Variants in STK11IP observed in about 807,000 individuals in gnomAD.
STK11IP encodes the protein serine/threonine kinase 11 interacting protein.
STK11IP carries 103 observed loss-of-function variants against 131.7 expected under a neutral mutation model. The ratio of observed to expected loss-of-function variants is 0.78; its 90% confidence interval spans 0.67 to 0.92. The LOEUF (loss-of-function observed/expected upper bound fraction) is 0.92. STK11IP is among the 40% of genes least tolerant of loss of function. The probability of loss-of-function intolerance (pLI) is 0.00; values close to 1 mark genes in which losing one functional copy is unlikely to be tolerated. For missense variants in STK11IP, 1,315 were observed against 1,385.7 expected, an observed-to-expected ratio of 0.95 and a Z score of 0.81; for synonymous variants, 557 against 575.6, an observed-to-expected ratio of 0.97 and a Z score of 0.46.
intron 16 of STK11IP, 23 bp from the exon 17 acceptor site, chr2:219,609,340 G>C: frequency 6.2e-7 from 1 of 1,611,856 alleles, no homozygotes; most frequent in Non-Finnish European, 8.5e-7. Context: ...GCTCACAGCT[G>C]CCTCTGATCC....
At chr2:219,603,290 C>A (rs1698049878) in intron 7 of STK11IP, among the ~76,000 whole-genome samples, 1 of 152,014 alleles carries the variant, frequency 6.6e-6, no homozygotes, top group Non-Finnish European at 1.5e-5. Context: ...AATTCACCTG[C>A]CTTGGCCTCC....
rs146986926 is a variant in STK11IP at position 219,614,425 on chromosome 2, G to C, written c.2799-51G>C. ...TTTCTTCCCACTCCCCTCTCTTCAA[G>C]TCCTTCCCACCCGCTAGCTGATCTT... On this transcript the variant is annotated intron_variant, in intron 22 of 24. Transcript: ENST00000456909. The C allele has an allele frequency of 7.3e-4, 1,161 of 1,597,796 alleles. 9 individuals are homozygous for C. The African/African-American group carries it at 0.014, about 19-fold the overall frequency.
Position 219,615,082 on chromosome 2 carries a change from C to G in STK11IP, c.2870-12C>G, listed in dbSNP as rs1368160948. On this transcript the variant is annotated splice_polypyrimidine_tract_variant and intron_variant, in intron 23 of 24. Coordinates refer to ENST00000456909, the MANE Select transcript of STK11IP (RefSeq NM_052902.4). ...CCATGACCTTCCACACTGGATGCCTCTTTCCCTGCAGGCCCTTCCACCTGC... is the reference window on the plus strand; with the variant it reads ...CCATGACCTTCCACACTGGATGCCTGTTTCCCTGCAGGCCCTTCCACCTGC... The G allele has an allele frequency of 1.2e-6, 2 of 1,605,312 alleles. No homozygotes were observed. The highest frequency in any genetic ancestry group is 8.5e-7 in the Non-Finnish European group (1 of 1,177,320).
Position 219,602,586 on chromosome 2 carries a change from C to T in STK11IP, c.546+11C>T, listed in dbSNP as rs1422629006. ...TTAGACAGCTCCCTGGTGAGTGCCT[C>T]AGAGGGAAGAGGGTTTCGAGGAAGG... is the stretch of plus-strand genomic sequence containing the variant. On this transcript the variant is annotated intron_variant, in intron 6 of 24. Transcript: ENST00000456909. 1.2e-6 allele frequency: 2 copies of T among 1,613,078 alleles called. No homozygotes were observed. Among genetic ancestry groups the T allele is most frequent in the South Asian group, 2.2e-5 (2 of 91,044 alleles).
intron 11 of STK11IP, 32 bp from the exon 12 acceptor site, chr2:219,606,680 A>C: frequency 6.3e-7 from 1 of 1,595,758 alleles, no homozygotes; most frequent in Non-Finnish European, 8.6e-7. Context: ...CCAGGCTCCA[A>C]CCTCTCTCTC....
At chr2:219,602,402 G>C (rs996279343) in intron 5 of STK11IP, 66 bp from the exon 6 acceptor site, 2 of 1,200,842 alleles carry the variant, frequency 1.7e-6, no homozygotes, top group African/African-American at 3.0e-5. Context: ...CTGGGTGGTA[G>C]AGCTTGGCCT....
chr2:219,616,368 C>T lies in STK11IP; in HGVS notation c.*175C>T. The stretch of plus-strand genomic sequence containing the variant: ...AGGGAGAGGCGAGAGAATGATCTGG[C>T]CTCAGGGGACAGGCCACCTGGTCAG... On this transcript the variant is annotated 3_prime_UTR_variant, in exon 25 of 25. Coordinates refer to ENST00000456909, the MANE Select transcript of STK11IP (RefSeq NM_052902.4). The T allele has an allele frequency of 5.1e-6, 4 of 791,742 alleles. 1 individual carries two copies. Among genetic ancestry groups the T allele is most frequent in the South Asian group, 2.2e-5 (1 of 46,458 alleles). The allele number at this position is 791,742 out of a possible 1,614,324, so 49.0% of individuals were successfully genotyped here.
chr2:219,616,146 A>G lies in STK11IP; in HGVS notation c.3220A>G (p.Ile1074Val), dbSNP rs17853279. The change falls in exon 25 of 25, where the codon ATC (isoleucine) becomes GTC (valine). Residue 1074 changes from isoleucine (I) to valine (V), a missense_variant. Ile to Val is a conservative substitution (Grantham distance 29). Transcript: ENST00000456909. ...GGAACCATGGGAGGAGCTGTTTTCC[A>G]TCGGACTCCGGACAGTGATCCAAGA... ...IREPWEELFS[I>V]GLRTVIQEAL... 6.2e-7 allele frequency: 1 copy of G among 1,613,772 alleles called. No homozygotes were observed. The highest frequency in any genetic ancestry group is 8.5e-7 in the Non-Finnish European group (1 of 1,179,868).
rs984991468 is a variant in STK11IP at position 219,608,584 on chromosome 2, G to A, written c.1605G>A (p.Ala535=). 1.1e-5 allele frequency: 17 copies of A among 1,590,370 alleles called. No individual in the cohort carries two copies. Among genetic ancestry groups the A allele is most frequent in the South Asian group, 5.7e-5 (5 of 88,110 alleles). ...CCTTTTCTCTTGGTCTCTCCACAGC[G>A]GAACTCTGTCGCCCCTTGTTGGTGT... ...EEEQDQKEVE[A]ELCRPLLVCP... The change falls in exon 15 of 25, where the codon GCG becomes GCA. Residue 535 remains alanine, a splice_region_variant and synonymous_variant. Coordinates refer to ENST00000456909, the MANE Select transcript of STK11IP (RefSeq NM_052902.4).
intron 2 of STK11IP, 60 bp downstream of exon 2, chr2:219,598,240 T>C: frequency 7.8e-7 from 1 of 1,279,606 alleles, no homozygotes; most frequent in Non-Finnish European, 1.1e-6. Context: ...GGTGGTGCTT[T>C]CTGGAGACAC....
intron 23 of STK11IP, 71 bp downstream of exon 23, chr2:219,614,617 GCAGCACCTGTA>G (rs1698516140): frequency 6.8e-7 from 1 of 1,465,218 alleles, no homozygotes; most frequent in Admixed American, 1.7e-5. Flanking sequence ...TGGCCCACGC[GCAGCACCTGTA>G]CAGTGCCCTT....
chr2:219,609,870 G>C (rs374354709), intron 17 of STK11IP, among the ~76,000 whole-genome samples: 2 of 151,750 alleles, frequency 1.3e-5, no homozygotes, highest in East Asian at 3.9e-4. Context: ...TGATATTTCA[G>C]ACACTACATA....
At chr2:219,604,475 C>A (rs542892678) in intron 7 of STK11IP, among the ~76,000 whole-genome samples, 1 of 152,276 alleles carries the variant, frequency 6.6e-6, no homozygotes, top group South Asian at 2.1e-4. Flanking sequence ...CTTTTGTTCA[C>A]TAAAAACCAA....
chr2:219,603,216 A>G (rs1449489374), intron 7 of STK11IP, among the ~76,000 whole-genome samples: 1 of 151,742 alleles, frequency 6.6e-6, no homozygotes, highest in Non-Finnish European at 1.5e-5. Flanking sequence ...TAATTTTTGT[A>G]TTTTTAGTAG....
intron 7 of STK11IP, among the ~76,000 whole-genome samples, chr2:219,604,168 G>T (rs529454700): frequency 2.4e-4 from 36 of 152,158 alleles, no homozygotes; most frequent in Non-Finnish European, 4.6e-4. Context: ...GCTTAAGGGG[G>T]CTAGAGTCAC....
In STK11IP at chr2:219,606,822, G is replaced by C; in HGVS notation, c.1098G>C (p.Gly366=). The C allele has an allele frequency of 1.2e-6, 2 of 1,613,498 alleles. No individual in the cohort carries two copies. Among genetic ancestry groups the C allele is most frequent in the Non-Finnish European group, 1.7e-6 (2 of 1,179,692 alleles). ...ACCTGAGTGACAGCCTCTCCTCAGG[G>C]GGTGTTGTGACCCAGCCCCTGCTTC... ...GPDLSDSLSS[G]GVVTQPLLHK... Residue 366 remains glycine (G), a synonymous_variant, in exon 12 of 25, where the codon GGG becomes GGC. Transcript: ENST00000456909.
intron 24 of STK11IP, 27 bp from the exon 25 acceptor site, chr2:219,616,017 C>T (rs543715122): frequency 2.8e-5 from 45 of 1,610,044 alleles, no homozygotes; most frequent in Middle Eastern, 3.4e-4. Context: ...CCATGAGCCT[C>T]GCCTTGCTAA....
rs1697855777 is a variant in STK11IP, at chr2:219,598,138, G to T, written c.19G>T (p.Asp7Tyr). 1.9e-6 allele frequency: 3 copies of T among 1,589,882 alleles called. No individual in the cohort carries two copies. Among genetic ancestry groups the T allele is most frequent in the Non-Finnish European group, 1.7e-6 (2 of 1,168,628 alleles). The change falls in exon 2 of 25, where the codon GAC (aspartate) becomes TAC (tyrosine). Residue 7 changes from aspartate (D) to tyrosine (Y), a missense_variant. Coordinates refer to ENST00000456909, the MANE Select transcript of STK11IP (RefSeq NM_052902.4). MTTAQR[D>Y]SLLWKLAGLL... is the part of the protein sequence containing the mutation. ...CGTGGCCATGACGACCGCTCAGAGGGACTCCCTGTTGTGGAAGCTCGCGGG... is the reference window on the plus strand; with the variant it reads ...CGTGGCCATGACGACCGCTCAGAGGTACTCCCTGTTGTGGAAGCTCGCGGG...
At chr2:219,605,366 C>T (rs1303009555) in intron 7 of STK11IP, 3 of 428,892 alleles carry the variant, frequency 7.0e-6, no homozygotes, top group Non-Finnish European at 8.4e-6. Context: ...TGACTTTTCC[C>T]AGGCAGGAAT....
Sources: allele counts gnomAD v4.1 joint callset (sites outside exome capture counted in the v4.1 genomes callset), GRCh38; gene constraint gnomAD v4.1.1; transcripts MANE v1.5; gene names NCBI Gene and HGNC (gene_info 2026-07-23, HGNC 2026-07-21).